The following CATSPERD variants were observed in gnomAD, a reference collection of about 807,000 sequenced individuals.
CATSPERD encodes the protein catsper channel auxiliary subunit delta, also known as cation channel sperm-associated auxiliary subunit delta.
CATSPERD carries 86 observed loss-of-function variants against 98.1 expected under a neutral mutation model. The observed-to-expected ratio is 0.88, with a 90% confidence interval of 0.74 to 1.05. The LOEUF (loss-of-function observed/expected upper bound fraction) is 1.05, where lower values mean the gene tolerates loss of function less well. CATSPERD is among the 50% of genes least tolerant of loss of function. CATSPERD has a pLI of 0.00. For missense variants in CATSPERD, 995 were observed against 1,005.7 expected (o/e 0.99, Z 0.14); for synonymous variants, 394 against 390.2 (o/e 1.01, Z -0.12).
At chr19:5,746,291 C>T (rs1002725347) in intron 9 of CATSPERD, among the ~76,000 whole-genome samples, 1 of 152,200 alleles carries the variant, frequency 6.6e-6, no homozygotes, top group Non-Finnish European at 1.5e-5. Context: ...ACAGTGACAA[C>T]TGAAATAAGT....
In CATSPERD at chr19:5,766,136, A is replaced by G; in HGVS notation, c.1540A>G (p.Lys514Glu). The change falls in exon 17 of 22, where the codon AAA becomes GAA. Residue 514 changes from lysine (K) to glutamate (E), a missense_variant. By Grantham distance (56) the Lys-to-Glu change is moderately conservative. Transcript: ENST00000381624. ...TLISVGCDLD[K>E]KIVIQNKVSA... ...GATTTCAGTTGGCTGCGACCTGGAT[A>G]AAAAGATCGTCATCCAGAAGTAAGT... 1 of 1,613,076 alleles carries G rather than the reference A, an allele frequency of 6.2e-7. No individual in the cohort carries two copies. Among genetic ancestry groups the G allele is most frequent in the Admixed American group, 1.7e-5 (1 of 59,884 alleles).
chr19:5,754,486 C>A (rs901308559), intron 13 of CATSPERD, among the ~76,000 whole-genome samples: 1 of 151,062 alleles, frequency 6.6e-6, no homozygotes, highest in Non-Finnish European at 1.5e-5. Context: ...GCAGCCTCCA[C>A]CTCCTGGGCT....
Position 5,757,867 on chromosome 19 carries a change from C to G in CATSPERD, c.1303C>G (p.Leu435Val). 1 of 1,613,414 alleles carries G rather than the reference C, an allele frequency of 6.2e-7. No individual in the cohort carries two copies. Among genetic ancestry groups the G allele is most frequent in the South Asian group, 1.1e-5 (1 of 91,006 alleles). The change falls in exon 14 of 22, where the codon CTG (leucine) becomes GTG (valine). Residue 435 changes from leucine (L) to valine (V), a missense_variant. Transcript: ENST00000381624. Reference protein sequence around the residue: ...PLVMVSNPHSLGFQATFYENG... With the variant: ...PLVMVSNPHSVGFQATFYENG... ...GGTGATGGTGAGCAACCCCCACTCC[C>G]TGGGGTTCCAGGCCACCTTCTACGA...
chr19:5,758,954 A>T, intron 14 of CATSPERD, 132 bp from the exon 15 acceptor site: 3 of 619,676 alleles, frequency 4.8e-6, no homozygotes, highest in Non-Finnish European at 8.8e-6. Flanking sequence ...AAAGGAACAG[A>T]GTGGGGCTAA....
At chr19:5,767,904 C>A (rs2056573000) in intron 17 of CATSPERD, among the ~76,000 whole-genome samples, 1 of 152,144 alleles carries the variant, frequency 6.6e-6, no homozygotes, top group Non-Finnish European at 1.5e-5. Context: ...TCAAGTGATT[C>A]TCCTGCCTCA....
intron 17 of CATSPERD, among the ~76,000 whole-genome samples, chr19:5,767,510 CG>C (rs1406165393): frequency 6.7e-6 from 1 of 149,804 alleles, no homozygotes; most frequent in Non-Finnish European, 1.5e-5. Context: ...ATTATTGAGA[CG>C]GAGTCTTGCT....
At chr19:5,770,088 C>CAAAA (rs760375391) in intron 18 of CATSPERD, among the ~76,000 whole-genome samples, 1 of 67,180 alleles carries the variant, frequency 1.5e-5, no homozygotes, top group Non-Finnish European at 3.0e-5. Flanking sequence ...GACTCTGTCT[C>CAAAA]AAAAAAAAAA....
intron 5 of CATSPERD, among the ~76,000 whole-genome samples, chr19:5,736,591 C>T (rs182566202): frequency 6.6e-6 from 1 of 152,070 alleles, no homozygotes; most frequent in East Asian, 1.9e-4. Flanking sequence ...GTGGTGGGCA[C>T]CTGTAATTCC....
In CATSPERD at chr19:5,730,787, C is replaced by T. The variant is rs574680942; in HGVS notation, c.276+843C>T. Among the ~76,000 whole-genome samples the T allele has an allele frequency of 2.1e-4, 32 of 151,806 alleles. 1 individual carries two copies. The East Asian group carries it at 5.3e-3, about 25-fold the overall frequency. On this transcript the variant is annotated intron_variant, in intron 4 of 21. Coordinates refer to ENST00000381624, the MANE Select transcript of CATSPERD (RefSeq NM_152784.4). ...CAGCACTTTGGGAGGCCGAGGCAGG[C>T]GCATCAGGAGGTCAGGAGATTAAGA...
intron 18 of CATSPERD, among the ~76,000 whole-genome samples, chr19:5,769,119 A>T (rs1437699411): frequency 1.3e-5 from 2 of 151,046 alleles, no homozygotes; most frequent in Non-Finnish European, 2.9e-5. Flanking sequence ...GAGCCACTGC[A>T]CTCCAGACTG....
At chr19:5,768,887 C>A (rs922042142) in intron 18 of CATSPERD, among the ~76,000 whole-genome samples, 1 of 150,612 alleles carries the variant, frequency 6.6e-6, no homozygotes, top group African/African-American at 2.4e-5. Flanking sequence ...GAGTTATGGC[C>A]GGGCCCGGTG....
chr19:5,774,121 C>T (rs1386242383), intron 20 of CATSPERD, among the ~76,000 whole-genome samples: 1 of 151,800 alleles, frequency 6.6e-6, no homozygotes, highest in East Asian at 2.0e-4. Context: ...GCACCTGCCA[C>T]CACGCCCGGT....
intron 19 of CATSPERD, among the ~76,000 whole-genome samples, chr19:5,771,599 T>TC (rs1044360959): frequency 1.3e-5 from 2 of 151,062 alleles, no homozygotes; most frequent in Admixed American, 6.6e-5. Flanking sequence ...TTTTTTTTTT[T>TC]CCACTCTGTC....
In CATSPERD at chr19:5,744,496, G is replaced by C; in HGVS notation, c.643G>C (p.Val215Leu). The C allele has an allele frequency of 1.2e-6, 2 of 1,612,076 alleles. No individual in the cohort carries two copies. Among genetic ancestry groups the C allele is most frequent in the Non-Finnish European group, 1.7e-6 (2 of 1,178,666 alleles). The part of the protein sequence containing the change: ...FSLSQVAMLV[V>L]NQGKGMFKYS... The stretch of plus-strand genomic sequence containing the variant: ...TTTGTCACAGGTTGCGATGCTTGTA[G>C]TGAATCAAGGGAAGGTAAGTAACTG... Residue 215 changes from valine to leucine, a missense_variant, in exon 8 of 22, where the codon GTG becomes CTG. Transcript: ENST00000381624.
intron 16 of CATSPERD, among the ~76,000 whole-genome samples, chr19:5,764,235 A>AT (rs56292430): frequency 0.025 from 3,722 of 146,782 alleles, 155 homozygotes; most frequent in African/African-American, 0.083. Context: ...CACCTGGCCA[A>AT]TTTTTTTTTT....
At chr19:5,777,768 G>A (rs375232217) in intron 21 of CATSPERD, among the ~76,000 whole-genome samples, 19 of 152,110 alleles carry the variant, frequency 1.2e-4, no homozygotes, top group East Asian at 5.8e-4. Flanking sequence ...CCAGCTACTC[G>A]GGAGGCTGAG....
rs1192278776 is a variant in CATSPERD at position 5,751,833 on chromosome 19, CCTAA to C, written c.1164+13_1164+16del. 3 of 1,604,884 alleles carry C rather than the reference CCTAA, an allele frequency of 1.9e-6. No homozygotes were observed. The East Asian group carries it at 6.7e-5, about 36-fold the overall frequency. ...CGTTGGAAAGTGCAAGGTATGTGAT[CCTAA>C]CTGTTTTGATCAATGTTCAATGTAG... On this transcript the variant is annotated intron_variant, in intron 12 of 21. Transcript: ENST00000381624.
At position 5,757,834 on chromosome 19, in the gene CATSPERD, C is replaced by G. The variant is rs116739754; in HGVS notation, c.1279-9C>G. ...CCGTACAGCCTGAGCTTCTCTCCCC[C>G]ACTCCCAGGTGATGGTGAGCAACCC... On this transcript the variant is annotated splice_polypyrimidine_tract_variant and intron_variant, in intron 13 of 21. Coordinates refer to ENST00000381624, the MANE Select transcript of CATSPERD (RefSeq NM_152784.4). 6.9e-4 allele frequency: 1,110 copies of G among 1,610,814 alleles called. 6 individuals are homozygous for G. In the African/African-American group the frequency reaches 0.014, roughly 20 times the overall value.
intron 18 of CATSPERD, among the ~76,000 whole-genome samples, chr19:5,770,244 A>T (rs1326668126): frequency 6.6e-6 from 1 of 151,338 alleles, no homozygotes; most frequent in Non-Finnish European, 1.5e-5. Context: ...CCCAGCCAAC[A>T]TGATGAAACC....
Sources: gnomAD v4.1 joint callset for allele counts (sites outside exome capture counted in the v4.1 genomes callset) on GRCh38, gnomAD v4.1.1 for gene constraint, MANE v1.5 for transcripts, NCBI Gene and HGNC (gene_info 2026-07-23, HGNC 2026-07-21) for gene names.